The following TTC21B variants were observed in gnomAD, a reference collection of about 807,000 sequenced individuals.
TTC21B encodes tetratricopeptide repeat protein 21B.
TTC21B carries 127 observed loss-of-function variants against 175.1 expected under a neutral mutation model. The observed-to-expected ratio is 0.73, with a 90% CI of 0.63 to 0.84. The LOEUF (loss-of-function observed/expected upper bound fraction) is 0.84, where lower values mean the gene tolerates loss of function less well. Ranked by LOEUF, TTC21B falls within the 40% of genes least tolerant of loss-of-function variation. The pLI, the probability that TTC21B is intolerant of heterozygous loss-of-function variation, is 0.00. For synonymous variants in TTC21B, 524 were observed against 524.5 expected, an observed-to-expected ratio of 1.00 and a Z score of 0.01; for missense variants, 1,561 against 1,558.3, an observed-to-expected ratio of 1.00 and a Z score of -0.03.
intron 27 of TTC21B, among the ~76,000 whole-genome samples, chr2:165,877,445 T>A (rs1454289842): frequency 1.3e-5 from 2 of 152,194 alleles, no homozygotes; most frequent in African/African-American, 4.8e-5. Flanking sequence ...TTATACTGTA[T>A]TTTTGCTGTA....
At position 165,884,018 on chromosome 2, in the gene TTC21B, T is replaced by C; in HGVS notation, c.3460A>G (p.Lys1154Glu). The change falls in exon 26 of 29, where the codon AAG (lysine) becomes GAG (glutamate). Residue 1154 changes from lysine (K) to glutamate (E), a missense_variant and splice_region_variant. Physicochemically the swap from Lys to Glu is moderately conservative, Grantham distance 56. Coordinates refer to ENST00000243344, the MANE Select transcript of TTC21B (RefSeq NM_024753.5). ...CCCAAGAGCGCTGGGATATGCTCCTTCTATAAGAAAACAAAATTTTAGACC... is the reference window on the plus strand; with the variant it reads ...CCCAAGAGCGCTGGGATATGCTCCTCCTATAAGAAAACAAAATTTTAGACC... Reference protein sequence around the residue: ...NTFTEIAASEKEHIPALLGMA... With the variant: ...NTFTEIAASEEEHIPALLGMA... The C allele has an allele frequency of 6.2e-7, 1 of 1,613,810 alleles. No homozygotes were observed. Among genetic ancestry groups the C allele is most frequent in the Admixed American group, 1.7e-5 (1 of 59,972 alleles).
At chr2:165,914,071 T>TA (rs940778029) in intron 15 of TTC21B, among the ~76,000 whole-genome samples, 2 of 152,144 alleles carry the variant, frequency 1.3e-5, no homozygotes, top group Admixed American at 6.6e-5. Flanking sequence ...TAAATTACCT[T>TA]AAAAAAATAC....
chr2:165,932,780 C>T (rs1250560949), intron 7 of TTC21B, among the ~76,000 whole-genome samples, 193 bp downstream of exon 7: 1 of 151,894 alleles, frequency 6.6e-6, no homozygotes, highest in East Asian at 1.9e-4. Context: ...AGTATTTTTG[C>T]TTTACCAATA....
At chr2:165,890,448 T>A (rs1189600581) in intron 24 of TTC21B, 31 bp downstream of exon 24, 3 of 1,609,314 alleles carry the variant, frequency 1.9e-6, no homozygotes, top group Non-Finnish European at 2.6e-6. Context: ...CAAGTGTTTT[T>A]TAAAAAAGGA....
chr2:165,928,435 T>C (rs889192002), intron 11 of TTC21B, among the ~76,000 whole-genome samples: 1 of 152,122 alleles, frequency 6.6e-6, no homozygotes, highest in South Asian at 2.1e-4. Context: ...TCTACTCTAG[T>C]TCTTGCAGGT....
At chr2:165,882,915 GCCAATTTAA>G (rs1413365539) in intron 26 of TTC21B, among the ~76,000 whole-genome samples, 1 of 152,044 alleles carries the variant, frequency 6.6e-6, no homozygotes, top group Non-Finnish European at 1.5e-5. Flanking sequence ...GCTTTTCAAA[GCCAATTTAA>G]CATAAAATTT....
chr2:165,891,047 T>C, intron 22 of TTC21B, 59 bp from the exon 23 acceptor site: 1 of 1,410,964 alleles, frequency 7.1e-7, no homozygotes, highest in Non-Finnish European at 1.0e-6. Flanking sequence ...TTTTGTTGGT[T>C]ATAATTCTAC....
In TTC21B at chr2:165,899,821, C is replaced by T. The variant is rs1189984472; in HGVS notation, c.2817G>A (p.Arg939=). 1.2e-6 allele frequency: 2 copies of T among 1,614,014 alleles called. No homozygotes were observed. Among genetic ancestry groups the T allele is most frequent in the East Asian group, 4.5e-5 (2 of 44,854 alleles). The change falls in exon 21 of 29, where the codon CGG becomes CGA. Residue 939 remains arginine, a synonymous_variant. Coordinates refer to ENST00000243344, the MANE Select transcript of TTC21B (RefSeq NM_024753.5). ...LAQDDPDSCL[R]QCALLLQSDQ... ...CACTCTGAAGCAGTAGAGCACACTG[C>T]CGCAGGCAGGAATCAGGGTCATCTT...
Position 165,915,324 on chromosome 2 carries a change from C to G in TTC21B, c.2015G>C (p.Arg672Pro), listed in dbSNP as rs756604135. ...DLALAQGDIE[R>P]ALSILQNVTA... ...AACATTCTGAAGGATGCTTAAAGCC[C>G]GTTCAATATCTCCTTGGGCTAGAGC... is the stretch of plus-strand genomic sequence containing the variant. The change falls in exon 15 of 29, where the codon CGG (arginine) becomes CCG (proline). Residue 672 changes from arginine to proline, a missense_variant. Coordinates refer to ENST00000243344, the MANE Select transcript of TTC21B (RefSeq NM_024753.5). The G allele has an allele frequency of 1.2e-6, 2 of 1,614,036 alleles. No homozygotes were observed. Among genetic ancestry groups the G allele is most frequent in the East Asian group, 4.5e-5 (2 of 44,866 alleles).
intron 22 of TTC21B, among the ~76,000 whole-genome samples, chr2:165,894,403 G>A (rs1685293322): frequency 6.6e-6 from 1 of 152,084 alleles, no homozygotes; most frequent in East Asian, 1.9e-4. Context: ...GAGTTACTGA[G>A]GATAACCAAT....
chr2:165,897,766 A>G (rs141050130), intron 22 of TTC21B, among the ~76,000 whole-genome samples: 1 of 152,346 alleles, frequency 6.6e-6, no homozygotes. Flanking sequence ...AACGTCATAC[A>G]GAGAAGAGAA....
chr2:165,883,894 T>C lies in TTC21B; in HGVS notation c.3584A>G (p.Glu1195Gly), dbSNP rs757689420. Reference sequence around the variant, plus strand: ...AAGTAGCAGCCAACTCTTCTCAAACTCTTCAGCATCAATAGCATTCCAATT... The same window carrying C: ...AAGTAGCAGCCAACTCTTCTCAAACCCTTCAGCATCAATAGCATTCCAATT... ...KMNWNAIDAE[E>G]FEKSWLLLAD... Residue 1195 changes from glutamate (E) to glycine (G), a missense_variant, in exon 26 of 29, where the codon GAG becomes GGG. Coordinates refer to ENST00000243344, the MANE Select transcript of TTC21B (RefSeq NM_024753.5). The C allele has an allele frequency of 1.2e-6, 2 of 1,614,124 alleles. No individual in the cohort carries two copies. Among genetic ancestry groups the C allele is most frequent in the Non-Finnish European group, 1.7e-6 (2 of 1,179,996 alleles).
intron 27 of TTC21B, chr2:165,879,808 A>G (rs1445879370): frequency 6.6e-6 from 1 of 152,162 alleles, no homozygotes; most frequent in Admixed American, 6.5e-5. Flanking sequence ...GTTCCAAAGC[A>G]CAGTTTGGGA....
rs533415070 is a variant in TTC21B at position 165,948,442 on chromosome 2, T to G, written c.262+952A>C. On this transcript the variant is annotated intron_variant, in intron 3 of 28. Coordinates refer to ENST00000243344, the MANE Select transcript of TTC21B (RefSeq NM_024753.5). ...AAATTAAGCACATATTTACATGTTT[T>G]AAATAACTTTGTATTGATTTGCATA... 3.3e-5 allele frequency: 5 copies of G among 152,362 alleles called. No individual in the cohort carries two copies. In the South Asian group the frequency reaches 1.0e-3, roughly 32 times the overall value. 9.4% of individuals were successfully genotyped at this position (152,362 alleles called of 1,614,324 possible).
At chr2:165,910,630 A>T (rs1220405965) in intron 18 of TTC21B, among the ~76,000 whole-genome samples, 3 of 152,192 alleles carry the variant, frequency 2.0e-5, no homozygotes, top group Non-Finnish European at 4.4e-5. Flanking sequence ...CAAGAAAATT[A>T]AGTAATTTAT....
chr2:165,877,646 C>T (rs372930948), intron 27 of TTC21B, among the ~76,000 whole-genome samples: 213 of 152,200 alleles, frequency 1.4e-3, no homozygotes, highest in African/African-American at 4.9e-3. Context: ...ATGCATATCT[C>T]AGAAGATTTC....
chr2:165,935,923 C>A (rs1687121213), intron 6 of TTC21B, among the ~76,000 whole-genome samples: 1 of 151,742 alleles, frequency 6.6e-6, no homozygotes, highest in Non-Finnish European at 1.5e-5. Flanking sequence ...CAATCCCAAT[C>A]AAAATCCCAG....
chr2:165,949,437 A>G lies in TTC21B; in HGVS notation c.219T>C (p.Ser73=). 1.9e-6 allele frequency: 3 copies of G among 1,613,834 alleles called. No individual in the cohort carries two copies. Among genetic ancestry groups the G allele is most frequent in the Non-Finnish European group, 2.5e-6 (3 of 1,179,814 alleles). The change falls in exon 3 of 29, where the codon TCT becomes TCC. Residue 73 remains serine (S), a synonymous_variant. Transcript: ENST00000243344. ...TATGGGCATATATCAGTGCAAGTAGAGAACAAAGTGATACATCTTGTTTAT... is the reference window on the plus strand; with the variant it reads ...TATGGGCATATATCAGTGCAAGTAGGGAACAAAGTGATACATCTTGTTTAT... The part of the protein sequence containing the change: ...IKNKQDVSLC[S]LLALIYAHKM...
chr2:165,945,496 ATTATT>A, intron 4 of TTC21B, 23 bp downstream of exon 4: 2 of 1,596,142 alleles, frequency 1.3e-6, no homozygotes, highest in Non-Finnish European at 8.6e-7. Flanking sequence ...TTTTAATGTT[ATTATT>A]TTAAACTCAG....
Sources: gnomAD v4.1 joint callset for allele counts (sites outside exome capture counted in the v4.1 genomes callset) on GRCh38, gnomAD v4.1.1 for gene constraint, MANE v1.5 for transcripts, NCBI Gene and HGNC (gene_info 2026-07-23, HGNC 2026-07-21) for gene names.